KAZN: variants seen among roughly 807,000 people sequenced by gnomAD.
The protein encoded by KAZN is kazrin.
A neutral mutation model predicts 87.4 loss-of-function variants in KAZN; 40 were observed. The ratio of observed to expected loss-of-function variants is 0.46; its 90% CI spans 0.36 to 0.60. The LOEUF (loss-of-function observed/expected upper bound fraction) is 0.60. Ranked by LOEUF, KAZN falls within the 20% of genes least tolerant of loss-of-function variation. The pLI, the probability that KAZN is intolerant of heterozygous loss-of-function variation, is 0.00. For synonymous variants in KAZN, 466 were observed against 458.3 expected, an observed-to-expected ratio of 1.02 and a Z score of -0.22; for missense variants, 898 against 1,073.9, an observed-to-expected ratio of 0.84 and a Z score of 2.29.
rs1342466577 is a variant in KAZN at position 15,021,558 on chromosome 1, T to C, written c.419-13191T>C. Among the ~76,000 whole-genome samples the C allele has an allele frequency of 5.3e-5, 8 of 152,084 alleles. No individual in the cohort carries two copies. Among genetic ancestry groups the C allele is most frequent in the Admixed American group, 5.2e-4 (8 of 15,274 alleles). On this transcript the variant is annotated intron_variant, in intron 2 of 14. Transcript: ENST00000376030. This position sits in a 1 kb window ranked among gnomAD's most constrained non-coding sequence, Gnocchi z 4.2. ...GTCTCCCTCGGGGAGGAGCAGGCAG[T>C]GGGGGCCTGCTTCCCGGGGCCCTCC...
chr1:13,966,497 T>C (rs1330977919), intron 1 of KAZN, among the ~76,000 whole-genome samples: 1 of 152,180 alleles, frequency 6.6e-6, no homozygotes, highest in Non-Finnish European at 1.5e-5. Flanking sequence ...CTCCATGGGA[T>C]GGACAGGGTC....
intron 1 of KAZN, among the ~76,000 whole-genome samples, chr1:14,073,319 A>G (rs1643316819): frequency 6.6e-6 from 1 of 152,188 alleles, no homozygotes; most frequent in Admixed American, 6.5e-5. Context: ...CAATGCATGC[A>G]GGGAGCTATG....
chr1:13,996,365 G>A (rs768914721), intron 1 of KAZN, among the ~76,000 whole-genome samples: 1 of 152,118 alleles, frequency 6.6e-6, no homozygotes, highest in Non-Finnish European at 1.5e-5. Context: ...GAGGCTGCCT[G>A]CTGTCTAAGC....
intron 1 of KAZN, among the ~76,000 whole-genome samples, chr1:14,088,306 A>T (rs995956555): frequency 1.3e-5 from 2 of 151,862 alleles, no homozygotes; most frequent in Non-Finnish European, 2.9e-5. Context: ...TACTTCAGCT[A>T]TACCTCACAA....
At chr1:14,296,036 A>G (rs910516338) in intron 2 of KAZN, among the ~76,000 whole-genome samples, 1 of 152,168 alleles carries the variant, frequency 6.6e-6, no homozygotes, top group Admixed American at 6.5e-5. Context: ...CCATAAAATC[A>G]TAGTACCTAC....
chr1:14,767,053 G>A (rs1015174977), intron 1 of KAZN, among the ~76,000 whole-genome samples: 1 of 152,152 alleles, frequency 6.6e-6, no homozygotes, highest in Non-Finnish European at 1.5e-5. Flanking sequence ...AATCTTAGCT[G>A]AGAAGGAATT....
intron 1 of KAZN, among the ~76,000 whole-genome samples, chr1:14,842,454 C>A (rs1463621394): frequency 6.6e-6 from 1 of 152,210 alleles, no homozygotes; most frequent in Non-Finnish European, 1.5e-5. Flanking sequence ...CAGTCCATGG[C>A]ACTGCAGGGA....
intron 13 of KAZN, among the ~76,000 whole-genome samples, chr1:15,110,302 T>G (rs111064376): frequency 6.6e-6 from 1 of 151,192 alleles, no homozygotes; most frequent in Non-Finnish European, 1.5e-5. Context: ...TGTATATGTA[T>G]GTGTGTATTT....
intron 1 of KAZN, among the ~76,000 whole-genome samples, chr1:14,915,511 GGAA>G (rs1313856191): frequency 6.6e-6 from 1 of 152,176 alleles, no homozygotes; most frequent in African/African-American, 2.4e-5. Flanking sequence ...TCCCACTTGG[GGAA>G]GAAGAAGTTC....
At chr1:14,230,922 A>G (rs1647765011) in intron 2 of KAZN, among the ~76,000 whole-genome samples, 1 of 152,210 alleles carries the variant, frequency 6.6e-6, no homozygotes. Context: ...GGCACCATGC[A>G]TCTTCAGACA....
At chr1:14,247,326 G>A (rs953099373) in intron 2 of KAZN, among the ~76,000 whole-genome samples, 3 of 152,178 alleles carry the variant, frequency 2.0e-5, no homozygotes, top group Admixed American at 6.5e-5. Flanking sequence ...GGGACAATGT[G>A]CCAGAAGAGA....
chr1:14,792,199 T>C (rs1645694492), intron 1 of KAZN, among the ~76,000 whole-genome samples: 1 of 152,236 alleles, frequency 6.6e-6, no homozygotes, highest in South Asian at 2.1e-4. Context: ...GAGCATCTAC[T>C]GTTTGCCAGA....
intron 2 of KAZN, among the ~76,000 whole-genome samples, chr1:14,513,302 A>G (rs892100679): frequency 1.3e-5 from 2 of 152,202 alleles, no homozygotes; most frequent in Non-Finnish European, 2.9e-5. Flanking sequence ...CGACTCCCAC[A>G]GTCAGAAGCA....
intron 2 of KAZN, among the ~76,000 whole-genome samples, chr1:14,435,656 A>G (rs1373933019): frequency 6.6e-6 from 1 of 152,222 alleles, no homozygotes. Flanking sequence ...GTGCAGCTGA[A>G]GGCAGCAGTT....
chr1:15,003,810 A>G (rs1308368397), intron 2 of KAZN, among the ~76,000 whole-genome samples: 2 of 152,032 alleles, frequency 1.3e-5, no homozygotes, highest in Non-Finnish European at 2.9e-5. Flanking sequence ...GTGCCGTAAA[A>G]TGTCCCTGCC....
At chr1:14,188,677 C>G (rs546308023) in intron 2 of KAZN, among the ~76,000 whole-genome samples, 1 of 152,210 alleles carries the variant, frequency 6.6e-6, no homozygotes, top group East Asian at 1.9e-4. Context: ...AGCCAGTAGT[C>G]AGTTCTCAAT....
At chr1:14,932,655 G>A (rs1025797798) in intron 1 of KAZN, among the ~76,000 whole-genome samples, 1 of 152,100 alleles carries the variant, frequency 6.6e-6, no homozygotes, top group African/African-American at 2.4e-5. Context: ...AGCCTGAGAT[G>A]TGTGTTTTTC....
intron 2 of KAZN, among the ~76,000 whole-genome samples, chr1:14,343,611 C>T (rs762713187): frequency 1.3e-4 from 20 of 152,084 alleles, no homozygotes; most frequent in Non-Finnish European, 2.2e-4. Context: ...ATCATCTCGG[C>T]CCTGACAACT....
At chr1:14,440,547 T>A (rs555948263) in intron 2 of KAZN, among the ~76,000 whole-genome samples, 1 of 152,334 alleles carries the variant, frequency 6.6e-6, no homozygotes, top group African/African-American at 2.4e-5. Context: ...TAATTCAGTA[T>A]ATGACACTTT....
Sources: allele counts gnomAD v4.1 joint callset (sites outside exome capture counted in the v4.1 genomes callset), GRCh38; gene constraint gnomAD v4.1.1; non-coding constraint Gnocchi (gnomAD v3.1); transcripts MANE v1.5; gene names NCBI Gene and HGNC (gene_info 2026-07-23, HGNC 2026-07-21).